SWT1: variants seen among roughly 807,000 people sequenced by gnomAD.
SWT1 encodes transcriptional protein SWT1.
Under a neutral mutation model 107.3 loss-of-function variants are expected in SWT1, and 33 were observed. That is an observed-to-expected ratio of 0.31 (90% CI 0.23 to 0.41). SWT1 has a LOEUF of 0.41. Among genes scored for constraint, SWT1 ranks in the 10% least tolerant of loss-of-function variants. The pLI, the probability that SWT1 is intolerant of heterozygous loss-of-function variation, is 1.00. For missense variants in SWT1, 898 were observed against 1,028.9 expected (o/e 0.87, Z 1.74); for synonymous variants, 345 against 348.3 (o/e 0.99, Z 0.11).
chr1:185,282,531 G>A (rs1664698968), intron 18 of SWT1, among the ~76,000 whole-genome samples: 1 of 151,996 alleles, frequency 6.6e-6, no homozygotes, highest in Non-Finnish European at 1.5e-5. Flanking sequence ...TAAAAAATGA[G>A]TAAAACATAA....
intron 16 of SWT1, among the ~76,000 whole-genome samples, chr1:185,244,564 A>G (rs935562204): frequency 6.6e-6 from 1 of 152,024 alleles, no homozygotes; most frequent in Non-Finnish European, 1.5e-5. Context: ...TGGGTGAGTC[A>G]GTGGGTGGGT....
chr1:185,251,884 G>A (rs959990426), intron 16 of SWT1, among the ~76,000 whole-genome samples: 38 of 151,784 alleles, frequency 2.5e-4, no homozygotes, highest in Non-Finnish European at 3.8e-4. Flanking sequence ...ATGCTGGTGC[G>A]CTGCACCCAC....
chr1:185,243,606 G>A (rs1030998599), intron 16 of SWT1, among the ~76,000 whole-genome samples: 2 of 152,064 alleles, frequency 1.3e-5, no homozygotes, highest in Non-Finnish European at 2.9e-5. Flanking sequence ...ATACTTAACC[G>A]TATATCAGAA....
intron 14 of SWT1, among the ~76,000 whole-genome samples, chr1:185,219,823 A>C (rs1659501074): frequency 6.6e-6 from 1 of 151,980 alleles, no homozygotes; most frequent in African/African-American, 2.4e-5. Flanking sequence ...GCCTTCCATC[A>C]ACTACCAAAC....
At chr1:185,165,709 C>T (rs533331533) in intron 2 of SWT1, among the ~76,000 whole-genome samples, 2 of 152,316 alleles carry the variant, frequency 1.3e-5, no homozygotes, top group South Asian at 4.1e-4. Context: ...AAGCCACCTC[C>T]TCTCCCCATC....
intron 16 of SWT1, among the ~76,000 whole-genome samples, chr1:185,239,722 CAA>C (rs1661132741): frequency 6.6e-6 from 1 of 151,624 alleles, no homozygotes; most frequent in African/African-American, 2.4e-5. Flanking sequence ...TTCAGATAGA[CAA>C]AAGTGTTTTA....
At chr1:185,175,614 C>T (rs1174137769) in intron 5 of SWT1, among the ~76,000 whole-genome samples, 1 of 152,158 alleles carries the variant, frequency 6.6e-6, no homozygotes, top group Middle Eastern at 3.2e-3. Flanking sequence ...CTTTATTTTA[C>T]TCTCTTTAAT....
intron 3 of SWT1, among the ~76,000 whole-genome samples, chr1:185,167,943 G>T (rs1312213356): frequency 6.6e-6 from 1 of 152,054 alleles, no homozygotes; most frequent in Non-Finnish European, 1.5e-5. Context: ...TAGGTTATTT[G>T]TACATGTTCT....
chr1:185,264,204 C>A, intron 16 of SWT1: 1 of 276,360 alleles, frequency 3.6e-6, no homozygotes, highest in Non-Finnish European at 5.5e-6. Context: ...TTTTTTTTAA[C>A]CTTATTTACA....
intron 15 of SWT1, among the ~76,000 whole-genome samples, chr1:185,231,152 A>G (rs966404915): frequency 1.3e-5 from 2 of 152,216 alleles, no homozygotes; most frequent in Non-Finnish European, 2.9e-5. Context: ...GTGAATAACT[A>G]TTATTAATTT....
intron 11 of SWT1, among the ~76,000 whole-genome samples, chr1:185,203,120 C>T (rs1324526663): frequency 6.6e-6 from 1 of 152,056 alleles, no homozygotes; most frequent in Non-Finnish European, 1.5e-5. Flanking sequence ...TATTTTTCAC[C>T]TTCATTTTCT....
At chr1:185,279,620 C>T (rs1664488166) in intron 18 of SWT1, among the ~76,000 whole-genome samples, 1 of 151,252 alleles carries the variant, frequency 6.6e-6, no homozygotes, top group Non-Finnish European at 1.5e-5. Context: ...AAATTATTTG[C>T]CAATATTTAG....
chr1:185,247,717 A>G (rs187098111), intron 16 of SWT1, among the ~76,000 whole-genome samples: 18 of 152,322 alleles, frequency 1.2e-4, no homozygotes, highest in Admixed American at 9.8e-4. Context: ...ACTTTGCTTC[A>G]GTATGTATGG....
At chr1:185,194,749 T>C (rs1279091424) in intron 10 of SWT1, among the ~76,000 whole-genome samples, 12 of 152,200 alleles carry the variant, frequency 7.9e-5, no homozygotes, top group Admixed American at 7.9e-4. Context: ...TTTATTCTTA[T>C]GGTTTTCATC....
At chr1:185,205,309 C>G (rs1658245484) in intron 12 of SWT1, among the ~76,000 whole-genome samples, 3 of 152,128 alleles carry the variant, frequency 2.0e-5, no homozygotes, top group Non-Finnish European at 4.4e-5. Flanking sequence ...TCTTTGGATT[C>G]ACACCTTTTT....
At chr1:185,204,153 C>T (rs1037421867) in intron 11 of SWT1, among the ~76,000 whole-genome samples, 8 of 151,978 alleles carry the variant, frequency 5.3e-5, no homozygotes, top group African/African-American at 1.7e-4. Context: ...AAAAATATTC[C>T]GTTTTTGCCA....
At chr1:185,253,484 G>A (rs1421019631) in intron 16 of SWT1, among the ~76,000 whole-genome samples, 1 of 151,016 alleles carries the variant, frequency 6.6e-6, no homozygotes, top group African/African-American at 2.4e-5. Flanking sequence ...AGTTCTCCTT[G>A]AAGAGGTCCT....
At chr1:185,238,470 A>G (rs1006405939) in intron 16 of SWT1, among the ~76,000 whole-genome samples, 2 of 152,190 alleles carry the variant, frequency 1.3e-5, no homozygotes, top group Non-Finnish European at 2.9e-5. Flanking sequence ...TTAAGGTTTT[A>G]TCCCAGACTA....
intron 1 of SWT1, chr1:185,157,708 A>C (rs1034373207): frequency 6.6e-6 from 1 of 152,544 alleles, no homozygotes; most frequent in African/African-American, 2.4e-5. Flanking sequence ...TTTAGTCTTC[A>C]TGTTGCCAGT....
Sources: allele counts gnomAD v4.1 joint callset (sites outside exome capture counted in the v4.1 genomes callset), GRCh38; gene constraint gnomAD v4.1.1; transcripts MANE v1.5; gene names NCBI Gene and HGNC (gene_info 2026-07-23, HGNC 2026-07-21).